Variants in DCDC1 observed in about 807,000 individuals in gnomAD.
The protein encoded by DCDC1 is doublecortin domain containing 1.
Under a neutral mutation model 178.3 loss-of-function variants are expected in DCDC1, and 200 were observed. The observed-to-expected ratio is 1.12, with a 90% CI of 1.00 to 1.26. The LOEUF is 1.26. Among genes scored for constraint, DCDC1 ranks in the 50% most tolerant of loss-of-function variants. The probability of loss-of-function intolerance (pLI) is 0.00; values close to 1 mark genes in which losing one functional copy is unlikely to be tolerated. For missense variants in DCDC1, 1,983 were observed against 1,749.2 expected (o/e 1.13, Z -2.38); for synonymous variants, 690 against 604.8 (o/e 1.14, Z -2.07).
At chr11:31,047,325 C>T (rs1954910500) in intron 20 of DCDC1, among the ~76,000 whole-genome samples, 1 of 151,798 alleles carries the variant, frequency 6.6e-6, no homozygotes, top group Admixed American at 6.6e-5. Context: ...ATTGTGTTGT[C>T]ATTGTTGAAC....
chr11:30,941,126 C>A (rs1298173898), intron 21 of DCDC1, among the ~76,000 whole-genome samples: 6 of 152,096 alleles, frequency 3.9e-5, no homozygotes, highest in African/African-American at 1.4e-4. Flanking sequence ...ATCAAGGACC[C>A]AACTACTTTT....
chr11:30,956,616 T>A (rs908176552), intron 20 of DCDC1, among the ~76,000 whole-genome samples: 1 of 152,234 alleles, frequency 6.6e-6, no homozygotes, highest in Non-Finnish European at 1.5e-5. Context: ...ATAATATATA[T>A]TACTTTTACT....
At position 30,978,266 on chromosome 11, in the gene DCDC1, G is replaced by A. The variant is rs1463754138; in HGVS notation, c.2592-25698C>T. Among the ~76,000 whole-genome samples the A allele has an allele frequency of 2.6e-5, 4 of 152,282 alleles. No individual in the cohort carries two copies. The East Asian group carries it at 5.8e-4, about 22-fold the overall frequency. Reference sequence around the variant, plus strand: ...GATTAGGTGCTTCTGTACATTGGATGGTTTTAACTTGCACCACTTATGTCT... The same window carrying A: ...GATTAGGTGCTTCTGTACATTGGATAGTTTTAACTTGCACCACTTATGTCT... On this transcript the variant is annotated intron_variant, in intron 20 of 38. Transcript: ENST00000684477.
chr11:30,998,815 A>G (rs1398179913), intron 20 of DCDC1, among the ~76,000 whole-genome samples: 3 of 152,128 alleles, frequency 2.0e-5, no homozygotes, highest in African/African-American at 4.8e-5. Context: ...TGTGGGCTGA[A>G]CTATTTGCTT....
chr11:31,162,157 A>C (rs1966370476), intron 9 of DCDC1, among the ~76,000 whole-genome samples: 1 of 152,232 alleles, frequency 6.6e-6, no homozygotes, highest in South Asian at 2.1e-4. Context: ...ATAATTTTAC[A>C]CAGAGAAAGT....
chr11:31,236,127 A>G (rs1976427349), intron 9 of DCDC1, among the ~76,000 whole-genome samples: 1 of 152,050 alleles, frequency 6.6e-6, no homozygotes, highest in African/African-American at 2.4e-5. Context: ...TGTTCCATGA[A>G]GATAAATATG....
chr11:30,926,082 G>A lies in DCDC1; in HGVS notation c.2898-674C>T, dbSNP rs146903337. Among the ~76,000 whole-genome samples, 396 of 152,266 alleles carry A rather than the reference G, an allele frequency of 2.6e-3. 1 individual carries two copies. The highest frequency in any genetic ancestry group is 8.7e-3 in the African/African-American group (361 of 41,572). ...TCCGAGTCTGGTCAGGGTAGAGAAA[G>A]GTGAGCAATTGAAGTGTAATATGAA... On this transcript the variant is annotated intron_variant, in intron 22 of 38. Coordinates refer to ENST00000684477, the MANE Select transcript of DCDC1 (RefSeq NM_001387274.1).
intron 22 of DCDC1, among the ~76,000 whole-genome samples, chr11:30,930,856 T>C (rs1292706760): frequency 6.6e-6 from 1 of 152,168 alleles, no homozygotes; most frequent in African/African-American, 2.4e-5. Flanking sequence ...AATTATGAAA[T>C]GTATGCGTCA....
intron 24 of DCDC1, among the ~76,000 whole-genome samples, chr11:30,922,065 A>G (rs1220682335): frequency 6.6e-6 from 1 of 152,064 alleles, no homozygotes; most frequent in Non-Finnish European, 1.5e-5. Context: ...ACCATAAGTC[A>G]CTCCAGTCAT....
At chr11:31,047,735 AT>A (rs558751425) in intron 20 of DCDC1, among the ~76,000 whole-genome samples, 1 of 151,920 alleles carries the variant, frequency 6.6e-6, no homozygotes, top group Non-Finnish European at 1.5e-5. Context: ...GGATGGAGGG[AT>A]TTTTTTTAAC....
intron 3 of DCDC1, among the ~76,000 whole-genome samples, chr11:31,315,833 G>A (rs1481883040): frequency 2.2e-5 from 2 of 89,078 alleles, no homozygotes; most frequent in Non-Finnish European, 4.2e-5. Context: ...AGTCCCCAGA[G>A]TGTGATATTC....
intron 6 of DCDC1, among the ~76,000 whole-genome samples, chr11:31,300,993 CT>C (rs1565577621): frequency 6.6e-6 from 1 of 152,116 alleles, no homozygotes; most frequent in Non-Finnish European, 1.5e-5. Context: ...ACTAAGAACA[CT>C]TTTTTGGTCC....
intron 9 of DCDC1, among the ~76,000 whole-genome samples, chr11:31,184,985 A>C (rs1969296434): frequency 6.6e-6 from 1 of 152,220 alleles, no homozygotes; most frequent in African/African-American, 2.4e-5. Context: ...CACTATTCAC[A>C]ATAGCAAAGA....
At chr11:31,086,184 T>C (rs1957462757) in intron 17 of DCDC1, among the ~76,000 whole-genome samples, 1 of 152,224 alleles carries the variant, frequency 6.6e-6, no homozygotes, top group Admixed American at 6.5e-5. Flanking sequence ...TTTTCCAAAG[T>C]AACTAAACCA....
intron 2 of DCDC1, among the ~76,000 whole-genome samples, chr11:31,331,839 CT>C (rs373120029): frequency 2.0e-5 from 3 of 151,676 alleles, no homozygotes; most frequent in Non-Finnish European, 4.4e-5. Flanking sequence ...CTAAAATTCT[CT>C]TTTTTTTGTT....
At chr11:31,151,677 A>G (rs913334219) in intron 9 of DCDC1, among the ~76,000 whole-genome samples, 4 of 152,226 alleles carry the variant, frequency 2.6e-5, no homozygotes, top group African/African-American at 9.6e-5. Flanking sequence ...GTATAGAAAT[A>G]TAGGTACATG....
chr11:30,928,502 A>C (rs1367120188), intron 22 of DCDC1, among the ~76,000 whole-genome samples: 2 of 74,008 alleles, frequency 2.7e-5, no homozygotes, highest in Non-Finnish European at 5.8e-5. Context: ...AGTTGCTATA[A>C]ATTGTGAAAT....
chr11:31,302,325 T>A (rs1436366136), intron 6 of DCDC1, among the ~76,000 whole-genome samples: 1 of 152,152 alleles, frequency 6.6e-6, no homozygotes, highest in East Asian at 1.9e-4. Context: ...ATTTTCACTG[T>A]GTCACAATTA....
intron 17 of DCDC1, among the ~76,000 whole-genome samples, chr11:31,078,297 G>C (rs1455027615): frequency 6.6e-6 from 1 of 152,094 alleles, no homozygotes; most frequent in Non-Finnish European, 1.5e-5. Context: ...TAAGAGAATA[G>C]TATGAAAAAA....
Sources: allele counts gnomAD v4.1 joint callset (sites outside exome capture counted in the v4.1 genomes callset), GRCh38; gene constraint gnomAD v4.1.1; transcripts MANE v1.5; gene names NCBI Gene and HGNC (gene_info 2026-07-23, HGNC 2026-07-21).